Variants in AK5 observed in about 807,000 individuals in gnomAD.
AK5 encodes the protein adenylate kinase isoenzyme 5.
In AK5, 27 loss-of-function variants were observed where a neutral mutation model predicts 69.5. The ratio of observed to expected loss-of-function variants is 0.39; its 90% CI spans 0.29 to 0.54. The LOEUF is 0.54. AK5 is among the 20% of genes least tolerant of loss of function. The pLI is 0.71. For synonymous variants in AK5, 260 were observed against 244.4 expected, an observed-to-expected ratio of 1.06 and a Z score of -0.60; for missense variants, 531 against 700.4, an observed-to-expected ratio of 0.76 and a Z score of 2.73.
chr1:77,461,640 C>T (rs12732787), intron 8 of AK5, among the ~76,000 whole-genome samples: 91,132 of 151,168 alleles, frequency 0.6, 28,015 homozygotes, highest in Middle Eastern at 0.67. Flanking sequence ...CATGGTGGTG[C>T]GCAACTGTAA....
chr1:77,521,165 C>T (rs1277257890), intron 11 of AK5, among the ~76,000 whole-genome samples: 1 of 150,628 alleles, frequency 6.6e-6, no homozygotes, highest in Non-Finnish European at 1.5e-5. Flanking sequence ...GACACAGTCT[C>T]GCTCGTCACC....
intron 5 of AK5, among the ~76,000 whole-genome samples, chr1:77,317,708 C>T (rs947934656): frequency 6.6e-6 from 1 of 152,142 alleles, no homozygotes; most frequent in Admixed American, 6.5e-5. Context: ...AGACCACTGC[C>T]ATTAGTTCAC....
intron 12 of AK5, among the ~76,000 whole-genome samples, chr1:77,526,095 A>C (rs1362543523): frequency 3.9e-5 from 6 of 152,216 alleles, no homozygotes; most frequent in Non-Finnish European, 8.8e-5. Context: ...TGTTTATTCT[A>C]ATCTTCTAGC....
At chr1:77,376,451 C>CAAAAAAAAAAAAAAAAAAA (rs762576175) in intron 6 of AK5, among the ~76,000 whole-genome samples, 4 of 41,038 alleles carry the variant, frequency 9.7e-5, no homozygotes, top group Admixed American at 3.4e-4. Flanking sequence ...AAAAAAAAAA[C>CAAAAAAAAAAAAAAAAAAA]AAAAAAAAAA....
chr1:77,429,842 G>A, intron 8 of AK5, among the ~76,000 whole-genome samples: 2 of 152,156 alleles, frequency 1.3e-5, no homozygotes, highest in East Asian at 3.9e-4. Flanking sequence ...CTGGGGAGAA[G>A]AGAAAGGGAT....
At chr1:77,366,444 A>G (rs932901438) in intron 6 of AK5, among the ~76,000 whole-genome samples, 2 of 152,204 alleles carry the variant, frequency 1.3e-5, no homozygotes, top group African/African-American at 4.8e-5. Context: ...TAAGACTATT[A>G]TATTTATAGA....
chr1:77,328,757 A>G (rs1660937456), intron 5 of AK5, among the ~76,000 whole-genome samples: 1 of 152,260 alleles, frequency 6.6e-6, no homozygotes, highest in African/African-American at 2.4e-5. Context: ...CTAAAGTAGT[A>G]GAACAATATG....
intron 10 of AK5, among the ~76,000 whole-genome samples, chr1:77,508,866 C>A (rs1351097405): frequency 4.3e-4 from 58 of 133,914 alleles, no homozygotes; most frequent in South Asian, 5.0e-4. Flanking sequence ...GACTCCATCT[C>A]AAAAAAAAAA....
In AK5 at chr1:77,559,537, T is replaced by C. The variant is rs1413991978; in HGVS notation, c.*867T>C. On this transcript the variant is annotated 3_prime_UTR_variant, in exon 14 of 14. Coordinates refer to ENST00000354567, the MANE Select transcript of AK5 (RefSeq NM_174858.3). ...AAATTATAATTTTGATTTTAAATGGTCACCCATGTATTTATTTGTTGCCAA... is the reference window on the plus strand; with the variant it reads ...AAATTATAATTTTGATTTTAAATGGCCACCCATGTATTTATTTGTTGCCAA... The C allele has an allele frequency of 3.6e-5, 3 of 82,748 alleles. No individual in the cohort carries two copies. The highest frequency in any genetic ancestry group is 9.2e-5 in the African/African-American group (3 of 32,756). The allele number at this position is 82,748 out of a possible 1,614,324, so 5.1% of individuals were successfully genotyped here. A position where few individuals can be genotyped will look rare whatever the true frequency, so the allele number is the denominator to read the frequency against.
At chr1:77,524,431 ATT>A (rs1431933378) in intron 12 of AK5, among the ~76,000 whole-genome samples, 1 of 152,216 alleles carries the variant, frequency 6.6e-6, no homozygotes, top group Admixed American at 6.5e-5. Flanking sequence ...ATGCGTGAGA[ATT>A]TCAATTTCTT....
intron 8 of AK5, 54 bp from the exon 9 acceptor site, chr1:77,483,263 G>T (rs1655382372): frequency 7.2e-7 from 1 of 1,395,052 alleles, no homozygotes; most frequent in Non-Finnish European, 1.0e-6. Flanking sequence ...TTGCCAAGGA[G>T]TTCAGCAAAA....
intron 10 of AK5, among the ~76,000 whole-genome samples, chr1:77,493,768 G>T (rs1336395228): frequency 6.6e-6 from 1 of 152,140 alleles, no homozygotes; most frequent in Non-Finnish European, 1.5e-5. Flanking sequence ...GTAGAGTAAA[G>T]AAAAAGAGAC....
At chr1:77,475,512 TA>T in intron 8 of AK5, among the ~76,000 whole-genome samples, 1 of 102,678 alleles carries the variant, frequency 9.7e-6, no homozygotes, top group Non-Finnish European at 1.9e-5. Flanking sequence ...ATTATATATA[TA>T]TGTATATATA....
chr1:77,465,283 A>C (rs1443251759), intron 8 of AK5, among the ~76,000 whole-genome samples: 2 of 152,222 alleles, frequency 1.3e-5, no homozygotes, highest in Non-Finnish European at 2.9e-5. Flanking sequence ...TGCAACATTC[A>C]GTAGATGAAA....
At chr1:77,387,725 C>G (rs1212672079) in intron 6 of AK5, among the ~76,000 whole-genome samples, 2 of 152,176 alleles carry the variant, frequency 1.3e-5, no homozygotes, top group Admixed American at 6.5e-5. Context: ...AAAACATACT[C>G]CAAGTGATGA....
intron 12 of AK5, among the ~76,000 whole-genome samples, chr1:77,533,127 G>A (rs1016991314): frequency 2.6e-5 from 4 of 152,176 alleles, no homozygotes; most frequent in Non-Finnish European, 4.4e-5. Flanking sequence ...AGAGAGGTTA[G>A]GTCAAACCCC....
chr1:77,487,862 T>TG (rs1655699797), intron 10 of AK5, among the ~76,000 whole-genome samples: 1 of 152,222 alleles, frequency 6.6e-6, no homozygotes, highest in South Asian at 2.1e-4. Flanking sequence ...GGACCCCTGC[T>TG]GGGCAGTGAG....
At position 77,480,830 on chromosome 1, in the gene AK5, G is replaced by T. The variant is rs116822763; in HGVS notation, c.1060-2487G>T. Among the ~76,000 whole-genome samples, 660 of 152,294 alleles carry T rather than the reference G, an allele frequency of 4.3e-3. 3 individuals carry two copies. The highest frequency in any genetic ancestry group is 0.015 in the African/African-American group (630 of 41,552). On this transcript the variant is annotated intron_variant, in intron 8 of 13. Transcript: ENST00000354567. ...CCTGAGAATTTGGGAACTCCTCAAG[G>T]TCCCTGTCTTGAGCAGTAATTGATA...
At chr1:77,390,574 G>T (rs1648354829) in intron 6 of AK5, among the ~76,000 whole-genome samples, 1 of 151,762 alleles carries the variant, frequency 6.6e-6, no homozygotes, top group South Asian at 2.1e-4. Flanking sequence ...ATGAGTGAAT[G>T]AAAAAAAGGC....
Sources: allele counts gnomAD v4.1 joint callset (sites outside exome capture counted in the v4.1 genomes callset), GRCh38; gene constraint gnomAD v4.1.1; transcripts MANE v1.5; gene names NCBI Gene and HGNC (gene_info 2026-07-23, HGNC 2026-07-21).